Variants in MAGI3 observed in about 807,000 individuals in gnomAD.
MAGI3 encodes membrane-associated guanylate kinase, WW and PDZ domain-containing protein 3.
In MAGI3, 43 loss-of-function variants were observed where a neutral mutation model predicts 121.8. That is an observed-to-expected ratio of 0.35 (90% CI 0.28 to 0.46). The LOEUF is 0.46. MAGI3 is among the 20% of genes least tolerant of loss of function. The probability of loss-of-function intolerance (pLI) is 1.00; values close to 1 mark genes in which losing one functional copy is unlikely to be tolerated. For missense variants in MAGI3, 1,547 were observed against 1,797.3 expected (o/e 0.86, Z 2.52); for synonymous variants, 553 against 639.3 (o/e 0.86, Z 2.04).
In MAGI3 at chr1:113,654,945, G is replaced by A. The variant is rs1488302011; in HGVS notation, c.2629+927G>A. 4.6e-5 allele frequency among the ~76,000 whole-genome samples: 7 copies of A among 152,288 alleles called. No individual in the cohort carries two copies. The Middle Eastern group carries it at 0.01, about 222-fold the overall frequency. ...AAACACTTTTAGGAAAGTGTTGTGA[G>A]CCAAATCAGTTTGCAAAAATCTTGC... On this transcript the variant is annotated intron_variant, in intron 15 of 20. Transcript: ENST00000307546.
intron 1 of MAGI3, among the ~76,000 whole-genome samples, chr1:113,428,292 A>G (rs1269026212): frequency 2.0e-5 from 3 of 152,194 alleles, no homozygotes; most frequent in Non-Finnish European, 4.4e-5. Flanking sequence ...TACACAGTCT[A>G]TCTGGAATTG....
intron 1 of MAGI3, among the ~76,000 whole-genome samples, chr1:113,399,581 C>A (rs950613912): frequency 1.2e-4 from 18 of 151,912 alleles, no homozygotes; most frequent in Admixed American, 9.2e-4. Context: ...TGCTTTTACT[C>A]AAATATTTAA....
At chr1:113,553,018 C>T (rs1019778597) in intron 2 of MAGI3, among the ~76,000 whole-genome samples, 1 of 152,006 alleles carries the variant, frequency 6.6e-6, no homozygotes, top group Non-Finnish European at 1.5e-5. Flanking sequence ...ACATAGAAGC[C>T]ACCTAGAAGG....
At chr1:113,510,474 C>T (rs1483225645) in intron 1 of MAGI3, among the ~76,000 whole-genome samples, 1 of 150,574 alleles carries the variant, frequency 6.6e-6, no homozygotes, top group Non-Finnish European at 1.5e-5. Flanking sequence ...TTGGTCTTTT[C>T]AATAATTCTT....
chr1:113,578,235 C>T (rs931417903), intron 2 of MAGI3, among the ~76,000 whole-genome samples: 3 of 152,082 alleles, frequency 2.0e-5, no homozygotes, highest in Non-Finnish European at 4.4e-5. Flanking sequence ...AGTCTAGATC[C>T]CTAAACTTGG....
intron 9 of MAGI3, among the ~76,000 whole-genome samples, chr1:113,638,963 G>A (rs1180578350): frequency 6.6e-6 from 1 of 152,238 alleles, no homozygotes; most frequent in Non-Finnish European, 1.5e-5. Flanking sequence ...CAGCCTCACT[G>A]CCGCCTTGCA....
chr1:113,631,546 C>A (rs1197100704), intron 9 of MAGI3, among the ~76,000 whole-genome samples: 1 of 151,756 alleles, frequency 6.6e-6, no homozygotes, highest in Non-Finnish European at 1.5e-5. Flanking sequence ...TGAGATAATC[C>A]TTTTGCTGTA....
At chr1:113,467,942 C>G (rs368265565) in intron 1 of MAGI3, among the ~76,000 whole-genome samples, 49 of 152,274 alleles carry the variant, frequency 3.2e-4, no homozygotes, top group African/African-American at 1.1e-3. Flanking sequence ...ATTGCTATAT[C>G]CTCTTGCTAA....
chr1:113,560,044 A>G (rs1226034763), intron 2 of MAGI3, among the ~76,000 whole-genome samples: 3 of 152,096 alleles, frequency 2.0e-5, no homozygotes, highest in Non-Finnish European at 4.4e-5. Flanking sequence ...TATCTACAGA[A>G]CTCTCCACCC....
chr1:113,608,198 T>G (rs1008403152), intron 6 of MAGI3, among the ~76,000 whole-genome samples: 3 of 151,934 alleles, frequency 2.0e-5, no homozygotes, highest in Non-Finnish European at 2.9e-5. Flanking sequence ...CAGTAGAGAC[T>G]TCAATGTTTG....
At chr1:113,465,568 A>G (rs1655241459) in intron 1 of MAGI3, among the ~76,000 whole-genome samples, 1 of 152,114 alleles carries the variant, frequency 6.6e-6, no homozygotes, top group Admixed American at 6.5e-5. Context: ...TAGAAATAGC[A>G]TTGAATCTAT....
chr1:113,639,230 G>A (rs1015467112), intron 9 of MAGI3, among the ~76,000 whole-genome samples: 71 of 152,326 alleles, frequency 4.7e-4, no homozygotes, highest in African/African-American at 1.6e-3. Flanking sequence ...CACACGGTGC[G>A]CTGCACCCAC....
chr1:113,561,210 C>A (rs964026306), intron 2 of MAGI3, among the ~76,000 whole-genome samples: 1 of 152,226 alleles, frequency 6.6e-6, no homozygotes, highest in African/African-American at 2.4e-5. Flanking sequence ...GGCACCATTT[C>A]TTCTGAAGCT....
intron 1 of MAGI3, among the ~76,000 whole-genome samples, chr1:113,508,840 A>C (rs1657474065): frequency 6.6e-6 from 1 of 152,188 alleles, no homozygotes; most frequent in Admixed American, 6.5e-5. Flanking sequence ...TTTAAAAAAA[A>C]AACTTCAGGA....
chr1:113,684,916 A>G lies in MAGI3; in HGVS notation c.*902A>G, dbSNP rs1027876926. 6.6e-6 allele frequency: 1 copy of G among 152,382 alleles called. No homozygotes were observed. The highest frequency in any genetic ancestry group is 1.5e-5 in the Non-Finnish European group (1 of 68,048). The allele number at this position is 152,382 out of a possible 1,614,324, so 9.4% of individuals were successfully genotyped here. A position where few individuals can be genotyped will look rare whatever the true frequency, so the allele number is the denominator to read the frequency against. The stretch of plus-strand genomic sequence containing the variant: ...GGATATTTTGGCTGTACCTACTACT[A>G]AAGTCATTAGTCTTTAATACATAAT... On this transcript the variant is annotated 3_prime_UTR_variant, in exon 21 of 21. Coordinates refer to ENST00000307546, the MANE Select transcript of MAGI3 (RefSeq NM_001142782.2).
In MAGI3 at chr1:113,671,681, C is replaced by T. The variant is rs917781013; in HGVS notation, c.2816-53C>T. 19 of 1,567,278 alleles carry T rather than the reference C, an allele frequency of 1.2e-5. 1 individual carries two copies. In the South Asian group the frequency reaches 1.2e-4, roughly 10 times the overall value. On this transcript the variant is annotated intron_variant, in intron 16 of 20. Coordinates refer to ENST00000307546, the MANE Select transcript of MAGI3 (RefSeq NM_001142782.2). ...TCTCACCTTCACAGATCCGCTTGGC[C>T]TTCACATTTTTATGTACAAATTCTT...
chr1:113,467,000 T>C (rs1655320626), intron 1 of MAGI3, among the ~76,000 whole-genome samples: 1 of 152,014 alleles, frequency 6.6e-6, no homozygotes, highest in South Asian at 2.1e-4. Flanking sequence ...TTGATTTCTT[T>C]TTGCTTTTCT....
chr1:113,397,955 C>T (rs184569637), intron 1 of MAGI3, among the ~76,000 whole-genome samples: 3 of 152,244 alleles, frequency 2.0e-5, no homozygotes, highest in Admixed American at 6.5e-5. Flanking sequence ...ATCTTAATCC[C>T]GCCTTCCCTT....
chr1:113,671,214 A>C (rs1476639532), intron 16 of MAGI3, among the ~76,000 whole-genome samples: 4 of 152,214 alleles, frequency 2.6e-5, no homozygotes, highest in Non-Finnish European at 5.9e-5. Context: ...GTTAGCACTC[A>C]GGATTCTATA....
Sources: allele counts gnomAD v4.1 joint callset (sites outside exome capture counted in the v4.1 genomes callset), GRCh38; gene constraint gnomAD v4.1.1; transcripts MANE v1.5; gene names NCBI Gene and HGNC (gene_info 2026-07-23, HGNC 2026-07-21).